The following GUCY2F variants were observed in gnomAD, a reference collection of about 807,000 sequenced individuals.
GUCY2F encodes guanylate cyclase 2F, retinal, also known as retinal guanylyl cyclase 2.
A neutral mutation model predicts 73.1 loss-of-function variants in GUCY2F; 61 were observed. The ratio of observed to expected loss-of-function variants is 0.83; its 90% confidence interval spans 0.68 to 1.03. The LOEUF is 1.03. Ranked by LOEUF, GUCY2F falls within the 50% of genes least tolerant of loss-of-function variation. The probability of loss-of-function intolerance (pLI) is 0.00; values close to 1 mark genes in which losing one functional copy is unlikely to be tolerated. For synonymous variants in GUCY2F, 331 were observed against 307.8 expected, an observed-to-expected ratio of 1.08 and a Z score of -0.79; for missense variants, 912 against 854.3, an observed-to-expected ratio of 1.07 and a Z score of -0.84.
At chrX:109,439,434 AC>A (rs1201568885) in intron 7 of GUCY2F, among the ~76,000 whole-genome samples, 2 of 110,492 alleles carry the variant, frequency 1.8e-5, no homozygotes, top group African/African-American at 6.6e-5. Flanking sequence ...TCCTTATCAA[AC>A]TTTTTTTTTG....
intron 2 of GUCY2F, among the ~76,000 whole-genome samples, chrX:109,467,215 G>C (rs757220329): frequency 8.9e-6 from 1 of 112,192 alleles, no homozygotes; most frequent in African/African-American, 3.2e-5. Flanking sequence ...AAAGAAAGTA[G>C]AACTGAAGAC....
At chrX:109,474,026 G>C (rs1391355463) in intron 2 of GUCY2F, among the ~76,000 whole-genome samples, 1 of 111,968 alleles carries the variant, frequency 8.9e-6, no homozygotes, top group South Asian at 3.7e-4. Context: ...AACTGGAGCT[G>C]GAGGCAGATT....
chrX:109,468,096 T>C (rs982590898), intron 2 of GUCY2F, among the ~76,000 whole-genome samples: 1 of 111,701 alleles, frequency 9.0e-6, no homozygotes, highest in Non-Finnish European at 1.9e-5. Context: ...TCCTACTGTC[T>C]TCTCTTCCTC....
intron 8 of GUCY2F, among the ~76,000 whole-genome samples, chrX:109,424,573 G>T (rs1295441566): frequency 1.8e-5 from 2 of 110,903 alleles, no homozygotes; most frequent in Non-Finnish European, 3.8e-5. Flanking sequence ...TGGACTTTGG[G>T]TGAAAATGAT....
At chrX:109,387,733 C>T (rs1329534000) in intron 15 of GUCY2F, among the ~76,000 whole-genome samples, 11 of 111,911 alleles carry the variant, frequency 9.8e-5, no homozygotes, top group Non-Finnish European at 1.1e-4. Flanking sequence ...GACATGCAGA[C>T]AGCAAAAAGA....
At chrX:109,401,379 A>G (rs1385785532) in intron 10 of GUCY2F, among the ~76,000 whole-genome samples, 2 of 112,224 alleles carry the variant, frequency 1.8e-5, no homozygotes, top group East Asian at 5.6e-4. Context: ...CCCGGGTTCA[A>G]AATCTTAGCT....
chrX:109,379,924 TCA>T (rs1930262425), intron 17 of GUCY2F, among the ~76,000 whole-genome samples: 1 of 112,267 alleles, frequency 8.9e-6, no homozygotes, highest in African/African-American at 3.2e-5. Context: ...TTCAGCTTCC[TCA>T]CTTTGGTCTC....
Position 109,385,380 on chromosome X carries a change from G to C in GUCY2F, c.2957-98C>G, listed in dbSNP as rs927123859. On this transcript the variant is annotated intron_variant, in intron 15 of 19. Coordinates refer to ENST00000218006, the MANE Select transcript of GUCY2F (RefSeq NM_001522.3). ...GAGGAAGGAATGTATCTTTGTAAAA[G>C]AATAAAAGTTGCCATCATATAGCTC... 6.7e-6 allele frequency: 3 copies of C among 449,185 alleles called. No homozygotes were observed. The African/African-American group carries it at 7.4e-5, about 11-fold the overall frequency. The allele number at this position is 449,185 out of a possible 1,213,427, so 37.0% of individuals were successfully genotyped here. A position where few individuals can be genotyped will look rare whatever the true frequency, so the allele number is the denominator to read the frequency against.
chrX:109,448,092 T>G lies in GUCY2F; in HGVS notation c.1546A>C (p.Ile516Leu), dbSNP rs749489782. Residue 516 changes from isoleucine to leucine, a missense_variant, in exon 6 of 20, where the codon ATC (isoleucine) becomes CTC (leucine). By Grantham distance (5) the Ile-to-Leu change is conservative. Coordinates refer to ENST00000218006, the MANE Select transcript of GUCY2F (RefSeq NM_001522.3). ...ACCTTACTGCCAAAGTGGGGATTGA[T>G]AAACGTTACATCCTCCAAAGTCAGT... ...ILLTLEDVTFINPHFGSKRGS... is the reference protein window; with the variant it reads ...ILLTLEDVTFLNPHFGSKRGS... 1.1e-5 allele frequency: 12 copies of G among 1,095,966 alleles called. No homozygotes were observed. The highest frequency in any genetic ancestry group is 1.8e-5 in the South Asian group (1 of 54,088). The allele number at this position is 1,095,966 out of a possible 1,213,427, so 90.3% of individuals were successfully genotyped here. A position where few individuals can be genotyped will look rare whatever the true frequency, so the allele number is the denominator to read the frequency against.
chrX:109,397,473 A>T (rs1254242557), intron 11 of GUCY2F, among the ~76,000 whole-genome samples: 1 of 112,228 alleles, frequency 8.9e-6, no homozygotes, highest in Non-Finnish European at 1.9e-5. Context: ...AAAAAATTAA[A>T]CTTCCAGAAA....
chrX:109,453,752 C>A lies in GUCY2F; in HGVS notation c.1140G>T (p.Gln380His), dbSNP rs2272925. 9.3e-3 allele frequency: 11,101 copies of A among 1,198,168 alleles called. 391 individuals carry two copies. In the African/African-American group the frequency reaches 0.13, roughly 14 times the overall value. Reference sequence around the variant, plus strand: ...CATGGAACTGCATGTTTCTGGAATGCTGAACCAGGCTGGCAGCACCAGCCT... The same window carrying A: ...CATGGAACTGCATGTTTCTGGAATGATGAACCAGGCTGGCAGCACCAGCCT... ...NGQAGAASLVQHSRNMQFHGF... is the reference protein window; with the variant it reads ...NGQAGAASLVHHSRNMQFHGF... Residue 380 changes from glutamine (Q) to histidine (H), a missense_variant, in exon 4 of 20, where the codon CAG (glutamine) becomes CAT (histidine). By Grantham distance (24) the Gln-to-His change is conservative. Coordinates refer to ENST00000218006, the MANE Select transcript of GUCY2F (RefSeq NM_001522.3).
chrX:109,415,324 T>A (rs1209237835), intron 8 of GUCY2F, among the ~76,000 whole-genome samples: 2 of 112,208 alleles, frequency 1.8e-5, no homozygotes, highest in Non-Finnish European at 3.8e-5. Flanking sequence ...AAGACTGGTA[T>A]CACAATTAAT....
intron 3 of GUCY2F, among the ~76,000 whole-genome samples, chrX:109,460,003 A>G (rs1374257316): frequency 1.8e-5 from 2 of 112,001 alleles, no homozygotes; most frequent in Admixed American, 1.9e-4. Context: ...GAACTCTTGG[A>G]AATTAAAAAT....
At chrX:109,394,058 C>A (rs1930643540) in intron 12 of GUCY2F, among the ~76,000 whole-genome samples, 1 of 111,776 alleles carries the variant, frequency 8.9e-6, no homozygotes, top group Admixed American at 9.4e-5. Flanking sequence ...TGGGCTCCCC[C>A]TATTGCCTAA....
intron 1 of GUCY2F, among the ~76,000 whole-genome samples, chrX:109,476,827 G>A (rs868207990): frequency 9.3e-6 from 1 of 107,132 alleles, no homozygotes; most frequent in African/African-American, 3.5e-5. Flanking sequence ...ATATATATGT[G>A]TATATATATA....
At chrX:109,413,071 C>T (rs931920402) in intron 8 of GUCY2F, among the ~76,000 whole-genome samples, 11 of 112,423 alleles carry the variant, frequency 9.8e-5, no homozygotes, top group African/African-American at 1.6e-4. Flanking sequence ...TTTGTTAAAA[C>T]ATCTAGCATT....
At chrX:109,460,730 C>T (rs1932346629) in intron 3 of GUCY2F, among the ~76,000 whole-genome samples, 1 of 111,469 alleles carries the variant, frequency 9.0e-6, no homozygotes, top group African/African-American at 3.3e-5. Context: ...AAATAGAAAA[C>T]TAGCATAATA....
chrX:109,417,537 T>A, intron 8 of GUCY2F, among the ~76,000 whole-genome samples: 1 of 111,269 alleles, frequency 9.0e-6, no homozygotes, highest in Non-Finnish European at 1.9e-5. Flanking sequence ...TGAAAAACAC[T>A]TTTATCCCAA....
At chrX:109,472,322 C>A (rs1037180793) in intron 2 of GUCY2F, among the ~76,000 whole-genome samples, 5 of 110,074 alleles carry the variant, frequency 4.5e-5, no homozygotes, top group African/African-American at 9.9e-5. Flanking sequence ...TATTTCTAGG[C>A]CCCTCCAAAG....
Sources: gnomAD v4.1 joint callset for allele counts (sites outside exome capture counted in the v4.1 genomes callset) on GRCh38, gnomAD v4.1.1 for gene constraint, MANE v1.5 for transcripts, NCBI Gene and HGNC (gene_info 2026-07-23, HGNC 2026-07-21) for gene names.